The following ZCCHC24 variants were observed in gnomAD, a reference collection of about 807,000 sequenced individuals.
The protein encoded by ZCCHC24 is zinc finger CCHC domain-containing protein 24.
ZCCHC24 carries 10 observed loss-of-function variants against 26.2 expected under a neutral mutation model. The observed-to-expected ratio is 0.38, with a 90% confidence interval of 0.24 to 0.65. The LOEUF is 0.65. Among genes scored for constraint, ZCCHC24 ranks in the 30% least tolerant of loss-of-function variants. The pLI is 0.54. For missense variants in ZCCHC24, 243 were observed against 329.1 expected, an observed-to-expected ratio of 0.74 and a Z score of 2.03; for synonymous variants, 144 against 147.1, an observed-to-expected ratio of 0.98 and a Z score of 0.15.
intron 1 of ZCCHC24, among the ~76,000 whole-genome samples, chr10:79,443,904 C>T (rs1468947930): frequency 6.6e-6 from 1 of 152,204 alleles, no homozygotes; most frequent in East Asian, 1.9e-4. Flanking sequence ...CCTGTTCTAC[C>T]CACCCAGGTC....
rs375323387 is a variant in ZCCHC24, at chr10:79,435,585, T to C, written c.247-2827A>G. Among the ~76,000 whole-genome samples, 8 of 152,308 alleles carry C rather than the reference T, an allele frequency of 5.3e-5. No individual in the cohort carries two copies. The East Asian group carries it at 5.8e-4, about 11-fold the overall frequency. On this transcript the variant is annotated intron_variant, in intron 1 of 3. Coordinates refer to ENST00000372336, the MANE Select transcript of ZCCHC24 (RefSeq NM_153367.4). Reference sequence around the variant, plus strand: ...TGCCCTCCAGCCTGTCTCCAGGGAATTAGGGCCCATCCCCCAGCCCTAATT... The same window carrying C: ...TGCCCTCCAGCCTGTCTCCAGGGAACTAGGGCCCATCCCCCAGCCCTAATT...
chr10:79,393,945 C>T (rs1033792847), intron 3 of ZCCHC24, among the ~76,000 whole-genome samples: 2 of 152,212 alleles, frequency 1.3e-5, no homozygotes, highest in Non-Finnish European at 2.9e-5. Context: ...CTGGTGCACA[C>T]AGCCACCCTG....
At chr10:79,420,992 T>C (rs989509456) in intron 2 of ZCCHC24, among the ~76,000 whole-genome samples, 1 of 152,178 alleles carries the variant, frequency 6.6e-6, no homozygotes, top group Admixed American at 6.5e-5. Flanking sequence ...CAAAGGCACA[T>C]AGCACTGCTG....
At chr10:79,410,007 C>T (rs1856769661) in intron 2 of ZCCHC24, among the ~76,000 whole-genome samples, 1 of 152,256 alleles carries the variant, frequency 6.6e-6, no homozygotes, top group Non-Finnish European at 1.5e-5. Flanking sequence ...CCAGCCAACT[C>T]TCCCTCTGAG....
At position 79,445,286 on chromosome 10, in the gene ZCCHC24, T is replaced by C. The variant is rs1162121345; in HGVS notation, c.155A>G (p.Glu52Gly). ...PEPTAGAAPP[E>G]LAFGKGRPEQ... ...GGGGCGGCCCTTGCCGAAGGCCAGCTCCGGGGGTGCGGCGCCGGCGGTCGG... is the reference window on the plus strand; with the variant it reads ...GGGGCGGCCCTTGCCGAAGGCCAGCCCCGGGGGTGCGGCGCCGGCGGTCGG... Residue 52 changes from glutamate to glycine, a missense_variant, in exon 1 of 4, where the codon GAG becomes GGG. Physicochemically the swap from Glu to Gly is moderately conservative, Grantham distance 98 (BLOSUM62 -2). This residue lies in a region of ZCCHC24 where 147 missense variants were observed against 150.8 expected (regional missense o/e 0.97). Transcript: ENST00000372336. The C allele has an allele frequency of 2.7e-6, 4 of 1,481,722 alleles. No homozygotes were observed. Among genetic ancestry groups the C allele is most frequent in the Non-Finnish European group, 3.6e-6 (4 of 1,114,258 alleles). The allele number at this position is 1,481,722 out of a possible 1,614,324, so 91.8% of individuals were successfully genotyped here.
At position 79,386,221 on chromosome 10, in the gene ZCCHC24, C is replaced by A. The variant is rs745987773; in HGVS notation, c.*124G>T. The A allele has an allele frequency of 2.4e-6, 2 of 835,238 alleles. No homozygotes were observed. Among genetic ancestry groups the A allele is most frequent in the Admixed American group, 2.2e-5 (1 of 44,976 alleles). The allele number at this position is 835,238 out of a possible 1,614,324, so 51.7% of individuals were successfully genotyped here. On this transcript the variant is annotated 3_prime_UTR_variant, in exon 4 of 4. Transcript: ENST00000372336. ...ACAAGGACGCTAAGAGCCCCCGGCC[C>A]AGCCCCGCAGGCCTGCGAGGGCACC...
At chr10:79,431,079 G>T (rs974742878) in intron 2 of ZCCHC24, among the ~76,000 whole-genome samples, 6 of 152,194 alleles carry the variant, frequency 3.9e-5, no homozygotes, top group African/African-American at 1.4e-4. Context: ...TCTCCTTAAC[G>T]GAGCTCAGTC....
chr10:79,437,593 G>C (rs1257068930), intron 1 of ZCCHC24, among the ~76,000 whole-genome samples: 1 of 152,168 alleles, frequency 6.6e-6, no homozygotes, highest in Non-Finnish European at 1.5e-5. Context: ...CCTATAGGAA[G>C]GGGAGTCAGA....
At chr10:79,394,625 G>A (rs1856520989) in intron 2 of ZCCHC24, 185 bp from the exon 3 acceptor site, 1 of 985,360 alleles carries the variant, frequency 1.0e-6, no homozygotes, top group Non-Finnish European at 1.2e-6. Flanking sequence ...AAGGCTGGGA[G>A]GCACATAGGG....
chr10:79,429,966 G>A lies in ZCCHC24; in HGVS notation c.447+2592C>T, dbSNP rs139419123. 9.7e-3 allele frequency among the ~76,000 whole-genome samples: 1,478 copies of A among 152,236 alleles called. 11 individuals carry two copies. Among genetic ancestry groups the A allele is most frequent in the Non-Finnish European group, 0.014 (980 of 67,996 alleles). On this transcript the variant is annotated intron_variant, in intron 2 of 3. Transcript: ENST00000372336. ...GGAGCACAGAGATGAATCCAGCCCA[G>A]CACCTGCCCCTGGAGCTATGGCCAG... is the stretch of plus-strand genomic sequence containing the variant.
At chr10:79,390,399 T>C (rs1856463470) in intron 3 of ZCCHC24, among the ~76,000 whole-genome samples, 1 of 152,170 alleles carries the variant, frequency 6.6e-6, no homozygotes, top group Non-Finnish European at 1.5e-5. Context: ...GCATTCAAAA[T>C]GTTGGCCAGT....
chr10:79,386,536 C>G (rs1856400414), intron 3 of ZCCHC24, 78 bp from the exon 4 acceptor site: 6 of 1,159,278 alleles, frequency 5.2e-6, no homozygotes, highest in Non-Finnish European at 7.3e-6. Context: ...CAGGGAGAGA[C>G]ACACAGAGAC....
chr10:79,424,200 T>G (rs1254288092), intron 2 of ZCCHC24, among the ~76,000 whole-genome samples: 1 of 152,220 alleles, frequency 6.6e-6, no homozygotes, highest in Non-Finnish European at 1.5e-5. Context: ...CCCACTGATT[T>G]GTACTTACTG....
intron 2 of ZCCHC24, chr10:79,403,470 T>C (rs1197140281): frequency 4.1e-6 from 4 of 985,330 alleles, no homozygotes; most frequent in Non-Finnish European, 4.8e-6. Context: ...GCTGCGTCCC[T>C]GCAGCCTGGT....
intron 3 of ZCCHC24, among the ~76,000 whole-genome samples, chr10:79,390,989 T>C (rs7093945): frequency 0.73 from 111,127 of 152,086 alleles, 40,931 homozygotes; most frequent in East Asian, 0.89. Flanking sequence ...ACCACTCTCA[T>C]ACCCCCTCCC....
intron 1 of ZCCHC24, chr10:79,444,191 A>G: frequency 6.6e-7 from 1 of 1,526,596 alleles, no homozygotes; most frequent in Non-Finnish European, 8.8e-7. Flanking sequence ...AACCCCCACA[A>G]GGGGAGGAAG....
At chr10:79,429,507 G>A (rs1857097112) in intron 2 of ZCCHC24, among the ~76,000 whole-genome samples, 1 of 152,196 alleles carries the variant, frequency 6.6e-6, no homozygotes, top group South Asian at 2.1e-4. Flanking sequence ...CTTGAGCACA[G>A]GAGGTGGAGG....
At chr10:79,401,114 G>A (rs929209906) in intron 2 of ZCCHC24, among the ~76,000 whole-genome samples, 1 of 152,254 alleles carries the variant, frequency 6.6e-6, no homozygotes. Context: ...CTGAGGCTGT[G>A]CCCTGCACGC....
At chr10:79,421,437 C>CCCCCCCCCCCCTTCCT (rs1856934411) in intron 2 of ZCCHC24, among the ~76,000 whole-genome samples, 2 of 122,932 alleles carry the variant, frequency 1.6e-5, no homozygotes, top group Admixed American at 8.6e-5. Flanking sequence ...CTCTCCCTTC[C>CCCCCCCCCCCCTTCCT]CCCTCCCTCC....
Sources: allele counts gnomAD v4.1 joint callset (sites outside exome capture counted in the v4.1 genomes callset), GRCh38; gene constraint gnomAD v4.1.1; regional missense constraint gnomAD v4.1.1; transcripts MANE v1.5; gene names NCBI Gene and HGNC (gene_info 2026-07-23, HGNC 2026-07-21).